WDR81: variants seen among roughly 807,000 people sequenced by gnomAD.
The protein encoded by WDR81 is WD repeat-containing protein 81.
Under a neutral mutation model 140.8 loss-of-function variants are expected in WDR81, and 92 were observed. The observed-to-expected ratio is 0.65, with a 90% confidence interval of 0.55 to 0.78. The LOEUF (loss-of-function observed/expected upper bound fraction) is 0.78, where lower values mean the gene tolerates loss of function less well. Ranked by LOEUF, WDR81 falls within the 30% of genes least tolerant of loss-of-function variation. The pLI is 0.00. For missense variants in WDR81, 2,502 were observed against 2,636.4 expected, an observed-to-expected ratio of 0.95 and a Z score of 1.12; for synonymous variants, 1,183 against 1,156.4, an observed-to-expected ratio of 1.02 and a Z score of -0.47.
In WDR81 at chr17:1,726,863, G is replaced by T; in HGVS notation, c.1904G>T (p.Arg635Leu). Reference protein sequence around the residue: ...NPGQLPNGVGRPVLEATPCEA... With the variant: ...NPGQLPNGVGLPVLEATPCEA... ...GGACAGCTTCCAAATGGAGTGGGCC[G>T]GCCAGTTTTAGAGGCCACTCCCTGT... Residue 635 changes from arginine (R) to leucine (L), a missense_variant, in exon 1 of 10, where the codon CGG becomes CTG. Physicochemically the swap from Arg to Leu is moderately radical, Grantham distance 102 (BLOSUM62 -2). This residue lies in a region of WDR81 where 1,737 missense variants were observed against 1,843.0 expected (regional missense o/e 0.94). Coordinates refer to ENST00000409644, the MANE Select transcript of WDR81 (RefSeq NM_001163809.2). 1.3e-6 allele frequency: 2 copies of T among 1,550,312 alleles called. No individual in the cohort carries two copies. The highest frequency in any genetic ancestry group is 1.7e-6 in the Non-Finnish European group (2 of 1,146,970).
Position 1,733,886 on chromosome 17 carries a change from TG to T in WDR81, c.4851del (p.Trp1617CysfsTer11). On this transcript the variant is annotated frameshift_variant, in exon 7 of 10. Coordinates refer to ENST00000409644, the MANE Select transcript of WDR81 (RefSeq NM_001163809.2). LOFTEE classifies it high-confidence loss of function. The stretch of plus-strand genomic sequence containing the variant: ...GAGCGTGCACGGGCTGAGCGGAAAC[TG>T]GCTGGCGTACTGGCAGTACGAGATC... ...PRSVHGLSGN[W>X]LAYWQYEIGV... is the part of the protein sequence containing the mutation. 6.2e-7 allele frequency: 1 copy of T among 1,612,714 alleles called. No individual in the cohort carries two copies. The highest frequency in any genetic ancestry group is 1.1e-5 in the South Asian group (1 of 91,080).
upstream of WDR81, among the ~76,000 whole-genome samples, chr17:1,723,344 T>G (rs188282485): frequency 3.4e-4 from 51 of 152,178 alleles, no homozygotes; most frequent in East Asian, 9.8e-3. Context: ...ACACCAGGCC[T>G]CTGGGCCTGG....
intron 1 of WDR81, among the ~76,000 whole-genome samples, chr17:1,719,189 A>AACAT (rs1301677663): frequency 2.0e-5 from 3 of 152,212 alleles, no homozygotes; most frequent in African/African-American, 7.2e-5. Context: ...CCTCATCTAC[A>AACAT]ACATACGGTG....
In WDR81 at chr17:1,725,870, G is replaced by C; in HGVS notation, c.911G>C (p.Ser304Thr). 1.3e-6 allele frequency: 2 copies of C among 1,550,850 alleles called. No individual in the cohort carries two copies. The highest frequency in any genetic ancestry group is 8.7e-7 in the Non-Finnish European group (1 of 1,146,922). ...KLCSELRLDL[S>T]AYERPEEDEN... Reference sequence around the variant, plus strand: ...TGCAGCGAGCTGCGACTGGACCTGAGTGCTTATGAGAGGCCCGAGGAGGAC... The same window carrying C: ...TGCAGCGAGCTGCGACTGGACCTGACTGCTTATGAGAGGCCCGAGGAGGAC... The change falls in exon 1 of 10, where the codon AGT becomes ACT. Residue 304 changes from serine to threonine, a missense_variant. By Grantham distance (58) the Ser-to-Thr change is moderately conservative (BLOSUM62 1). Transcript: ENST00000409644.
In WDR81 at chr17:1,725,860, C is replaced by A; in HGVS notation, c.901C>A (p.Leu301Met). Residue 301 changes from leucine (L) to methionine (M), a missense_variant, in exon 1 of 10, where the codon CTG (leucine) becomes ATG (methionine). Transcript: ENST00000409644. ...VDEKLCSELR[L>M]DLSAYERPEE... is the part of the protein sequence containing the mutation. ...TGAGAAGCTTTGCAGCGAGCTGCGA[C>A]TGGACCTGAGTGCTTATGAGAGGCC... 6.4e-7 allele frequency: 1 copy of A among 1,550,766 alleles called. No homozygotes were observed. The highest frequency in any genetic ancestry group is 8.7e-7 in the Non-Finnish European group (1 of 1,146,886).
rs763168759 is a variant in WDR81, at chr17:1,733,582, G to A, written c.4545G>A (p.Ala1515=). The A allele has an allele frequency of 3.2e-6, 5 of 1,539,000 alleles. No individual in the cohort carries two copies. The highest frequency in any genetic ancestry group is 2.8e-5 in the African/African-American group (2 of 72,472). ...ACGAGCTGGTTGGGGAGCTGGCGGC[G>A]CTGTACTTGGAGAGCATCAGCCCCA... ...PNHELVGELA[A]LYLESISPSS... is the part of the protein sequence containing the mutation. Residue 1515 remains alanine (A), a synonymous_variant, in exon 7 of 10, where the codon GCG becomes GCA. Coordinates refer to ENST00000409644, the MANE Select transcript of WDR81 (RefSeq NM_001163809.2).
chr17:1,732,517 G>T (rs1289874738), intron 5 of WDR81, 27 bp downstream of exon 5: 4 of 1,607,176 alleles, frequency 2.5e-6, no homozygotes, highest in South Asian at 2.2e-5. Context: ...GGCCAGGGCG[G>T]GCTGGGGCGG....
upstream of WDR81, among the ~76,000 whole-genome samples, chr17:1,722,904 G>A (rs557780720): frequency 2.6e-5 from 4 of 151,096 alleles, no homozygotes; most frequent in East Asian, 2.0e-4. Flanking sequence ...CAAGTTGGCC[G>A]GGCTGGTCTT....
chr17:1,730,939 C>T lies in WDR81; in HGVS notation c.3960C>T (p.Ser1320=). The T allele has an allele frequency of 6.2e-7, 1 of 1,612,972 alleles. No homozygotes were observed. Among genetic ancestry groups the T allele is most frequent in the Non-Finnish European group, 8.5e-7 (1 of 1,179,752 alleles). ...VLTYQYLPYI[S]YLVAPGSASG... ...CCTACCAGTACCTGCCCTACATCAGCTACCTGGTCAGTCGCTGGTTTGGCA... is the reference window on the plus strand; with the variant it reads ...CCTACCAGTACCTGCCCTACATCAGTTACCTGGTCAGTCGCTGGTTTGGCA... Residue 1320 remains serine (S), a synonymous_variant, in exon 3 of 10, where the codon AGC becomes AGT. Transcript: ENST00000409644.
chr17:1,720,271 A>C (rs1324021527), upstream of WDR81, among the ~76,000 whole-genome samples: 7 of 152,256 alleles, frequency 4.6e-5, no homozygotes, highest in South Asian at 1.0e-3. Context: ...GGAGCGGCTA[A>C]TTTGGTCTGA....
exon 1 of WDR81, chr17:1,716,618 G>C (rs1272376500): frequency 1.9e-6 from 3 of 1,551,360 alleles, no homozygotes; most frequent in Non-Finnish European, 2.6e-6. Context: ...GTCGTTCCCA[G>C]AACCCAGCGC....
In WDR81 at chr17:1,735,565, T is replaced by A; in HGVS notation, c.5180-7T>A. 7 of 1,595,320 alleles carry A rather than the reference T, an allele frequency of 4.4e-6. No homozygotes were observed. The highest frequency in any genetic ancestry group is 6.0e-6 in the Non-Finnish European group (7 of 1,169,772). On this transcript the variant is annotated splice_region_variant and splice_polypyrimidine_tract_variant and intron_variant, in intron 7 of 9. Transcript: ENST00000409644. This position sits in a 1 kb window ranked among gnomAD's most constrained non-coding sequence, Gnocchi z 4.2. Reference sequence around the variant, plus strand: ...GACCCCAGATCCACTGTGACTTTCCTTCCCAGGGAAGACCCTTCGCACAGT... The same window carrying A: ...GACCCCAGATCCACTGTGACTTTCCATCCCAGGGAAGACCCTTCGCACAGT...
chr17:1,737,304 G>C (rs1904953676), intron 9 of WDR81, 61 bp from the exon 10 acceptor site: 1 of 1,495,514 alleles, frequency 6.7e-7, no homozygotes, highest in Non-Finnish European at 8.9e-7. Context: ...GGAAGGCCTT[G>C]GGGCCCAAGG....
Position 1,733,442 on chromosome 17 carries a change from C to T in WDR81, c.4490-85C>T, listed in dbSNP as rs1904543898. 6 of 1,389,880 alleles carry T rather than the reference C, an allele frequency of 4.3e-6. No individual in the cohort carries two copies. The South Asian group carries it at 7.3e-5, about 17-fold the overall frequency. 86.1% of individuals were successfully genotyped at this position (1,389,880 alleles called of 1,614,324 possible). A position where few individuals can be genotyped will look rare whatever the true frequency, so the allele number is the denominator to read the frequency against. ...GTTGCAGAGCCAGTTCCTGCCCCATCTTCTGTGGCTCCCGAGTCCTTGGAT... is the reference window on the plus strand; with the variant it reads ...GTTGCAGAGCCAGTTCCTGCCCCATTTTCTGTGGCTCCCGAGTCCTTGGAT... On this transcript the variant is annotated intron_variant, in intron 6 of 9. Coordinates refer to ENST00000409644, the MANE Select transcript of WDR81 (RefSeq NM_001163809.2).
At position 1,726,952 on chromosome 17, in the gene WDR81, G is replaced by A. The variant is rs1458291125; in HGVS notation, c.1993G>A (p.Ala665Thr). Residue 665 changes from alanine (A) to threonine (T), a missense_variant, in exon 1 of 10, where the codon GCT (alanine) becomes ACT (threonine). Physicochemically the swap from Ala to Thr is moderately conservative, Grantham distance 58 (BLOSUM62 0). Coordinates refer to ENST00000409644, the MANE Select transcript of WDR81 (RefSeq NM_001163809.2). ...GEDDLEQATE[A>T]LDSISLAGKA... Reference sequence around the variant, plus strand: ...AGACGACTTGGAACAGGCCACAGAAGCTCTGGATTCCATTTCCCTTGCTGG... The same window carrying A: ...AGACGACTTGGAACAGGCCACAGAAACTCTGGATTCCATTTCCCTTGCTGG... 1.9e-6 allele frequency: 3 copies of A among 1,550,354 alleles called. No homozygotes were observed. The highest frequency in any genetic ancestry group is 2.6e-6 in the Non-Finnish European group (3 of 1,146,990).
Position 1,725,421 on chromosome 17 carries a change from A to G in WDR81, c.462A>G (p.Ala154=). ...ATTATCGCAACCTGTGGCGCCATGC[A>G]TACCACACTTACGGCCAGCCGTACA... is the stretch of plus-strand genomic sequence containing the variant. The part of the protein sequence containing the change: ...AQNYRNLWRH[A]YHTYGQPYSH... Residue 154 remains alanine (A), a synonymous_variant, in exon 1 of 10, where the codon GCA becomes GCG. Transcript: ENST00000409644. 6.5e-7 allele frequency: 1 copy of G among 1,549,638 alleles called. No individual in the cohort carries two copies. Among genetic ancestry groups the G allele is most frequent in the Non-Finnish European group, 8.7e-7 (1 of 1,146,990 alleles).
At position 1,726,089 on chromosome 17, in the gene WDR81, C is replaced by A; in HGVS notation, c.1130C>A (p.Pro377His). ...NRLAGRRQGD[P>H]NYHPVLPWVV... ...TTGGCAGGTCGGCGGCAGGGGGACC[C>A]CAACTACCACCCCGTGCTGCCCTGG... The change falls in exon 1 of 10, where the codon CCC becomes CAC. Residue 377 changes from proline to histidine, a missense_variant. Transcript: ENST00000409644. The A allele has an allele frequency of 1.3e-6, 2 of 1,547,732 alleles. No homozygotes were observed. The highest frequency in any genetic ancestry group is 1.7e-6 in the Non-Finnish European group (2 of 1,145,106).
chr17:1,737,339 G>A (rs779898473), intron 9 of WDR81, 26 bp from the exon 10 acceptor site: 1 of 1,576,836 alleles, frequency 6.3e-7, no homozygotes. Flanking sequence ...CCAGGCTCCT[G>A]CTGAGGCTCT....
In WDR81 at chr17:1,735,805, A is replaced by T; in HGVS notation, c.5325+88A>T. 2.0e-6 allele frequency: 3 copies of T among 1,508,158 alleles called. No homozygotes were observed. The highest frequency in any genetic ancestry group is 2.2e-5 in the Admixed American group (1 of 45,858). 93.4% of individuals were successfully genotyped at this position (1,508,158 alleles called of 1,614,324 possible). A position where few individuals can be genotyped will look rare whatever the true frequency, so the allele number is the denominator to read the frequency against. On this transcript the variant is annotated intron_variant, in intron 8 of 9. Transcript: ENST00000409644. The surrounding 1 kb of genome is among the most constrained non-coding windows in gnomAD (Gnocchi z 4.2). ...GACTCCCCAAAAACAGAAAGCCAGGATGTTGTTCTGGGGCCCTAGTTAGTT... is the reference window on the plus strand; with the variant it reads ...GACTCCCCAAAAACAGAAAGCCAGGTTGTTGTTCTGGGGCCCTAGTTAGTT...
Sources: allele counts gnomAD v4.1 joint callset (sites outside exome capture counted in the v4.1 genomes callset), GRCh38; gene constraint gnomAD v4.1.1; regional missense constraint gnomAD v4.1.1; non-coding constraint Gnocchi (gnomAD v3.1); transcripts MANE v1.5; gene names NCBI Gene and HGNC (gene_info 2026-07-23, HGNC 2026-07-21).